Variants in IQANK1 observed in about 807,000 individuals in gnomAD.
The protein encoded by IQANK1 is IQ motif and ankyrin repeat containing 1, also known as IQ motif and ankyrin repeat domain-containing protein 1.
In IQANK1, 30 loss-of-function variants were observed where a neutral mutation model predicts 22.6. The observed-to-expected ratio is 1.33, with a 90% CI of 0.99 to 1.80. The LOEUF (loss-of-function observed/expected upper bound fraction) is 1.80. Among genes scored for constraint, IQANK1 ranks in the 40% most tolerant of loss-of-function variants. The probability of loss-of-function intolerance (pLI) is 0.00; values close to 1 mark genes in which losing one functional copy is unlikely to be tolerated. For missense variants in IQANK1, 275 were observed against 235.2 expected, an observed-to-expected ratio of 1.17 and a Z score of -1.11; for synonymous variants, 122 against 99.6, an observed-to-expected ratio of 1.23 and a Z score of -1.34.
chr8:143,751,625 AGTGTGTGTGTGTGTGTGTGT>A (rs1554628034), intron 3 of IQANK1, among the ~76,000 whole-genome samples: 1 of 95,994 alleles, frequency 1.0e-5, no homozygotes, highest in African/African-American at 3.7e-5. Context: ...AAAAAAAAAA[AGTGTGTGTGTGTGTGTGTGT>A]GTGTGTGTGT....
chr8:143,755,841 G>T (rs1460698137), intron 3 of IQANK1, among the ~76,000 whole-genome samples: 2 of 152,188 alleles, frequency 1.3e-5, no homozygotes, highest in Non-Finnish European at 2.9e-5. Context: ...GAGCCATGCT[G>T]GGGGCTCAGT....
In IQANK1 at chr8:143,788,953, G is replaced by A. The variant is rs1264140239; in HGVS notation, c.828G>A (p.Ser276=). The change falls in exon 8 of 14, where the codon TCG becomes TCA. Residue 276 remains serine (S), a synonymous_variant. Coordinates refer to ENST00000527139, the MANE Select transcript of IQANK1 (RefSeq NM_001381874.1). ...ACACAGTGGTGAGCGTGCTGCGCTC[G>A]TGGGACCTGAGCCTCACGGAGGCCA... ...SLDTVVSVLR[S]WDLSLTEAML... 6 of 399,208 alleles carry A rather than the reference G, an allele frequency of 1.5e-5. No homozygotes were observed. In the Admixed American group the frequency reaches 1.8e-4, roughly 12 times the overall value. 24.7% of individuals were successfully genotyped at this position (399,208 alleles called of 1,614,324 possible).
At chr8:143,751,655 T>TAC in intron 3 of IQANK1, among the ~76,000 whole-genome samples, 1 of 91,130 alleles carries the variant, frequency 1.1e-5, no homozygotes, top group South Asian at 4.2e-4. Context: ...TGTGTGTGTG[T>TAC]GTGTGTGTGT....
intron 3 of IQANK1, among the ~76,000 whole-genome samples, chr8:143,770,539 C>G (rs1819552570): frequency 6.6e-6 from 1 of 152,202 alleles, no homozygotes; most frequent in Admixed American, 6.5e-5. Context: ...CCAGTCTCGC[C>G]TCATCCCGCC....
chr8:143,748,700 A>AT (rs1819092644), intron 3 of IQANK1, among the ~76,000 whole-genome samples: 3 of 116,846 alleles, frequency 2.6e-5, no homozygotes, highest in African/African-American at 3.8e-5. Context: ...TATCATATAT[A>AT]AATATATAAA....
rs1277506670 is a variant in IQANK1 at position 143,789,442 on chromosome 8, C to G, written c.1000C>G (p.Gln334Glu). The change falls in exon 10 of 14, where the codon CAG becomes GAG. Residue 334 changes from glutamine (Q) to glutamate (E), a missense_variant. By Grantham distance (29) the Gln-to-Glu change is conservative. Coordinates refer to ENST00000527139, the MANE Select transcript of IQANK1 (RefSeq NM_001381874.1). ...EQQQCHKELQ[Q>E]AYCELSRRIS... The stretch of plus-strand genomic sequence containing the variant: ...TGCCCGTACGCCCACCCAGCTGCAA[C>G]AGGCCTACTGTGAGCTTAGCCGGAG... The G allele has an allele frequency of 8.1e-7, 1 of 1,229,616 alleles. No individual in the cohort carries two copies. Among genetic ancestry groups the G allele is most frequent in the Admixed American group, 4.2e-5 (1 of 23,692 alleles). 76.2% of individuals were successfully genotyped at this position (1,229,616 alleles called of 1,614,324 possible).
At chr8:143,773,995 C>T (rs1159688747) in intron 7 of IQANK1, among the ~76,000 whole-genome samples, 1 of 152,050 alleles carries the variant, frequency 6.6e-6, no homozygotes, top group Non-Finnish European at 1.5e-5. Context: ...GGAGCATTGG[C>T]CATCCACAGG....
At chr8:143,762,223 C>A (rs1163745787) in intron 3 of IQANK1, among the ~76,000 whole-genome samples, 2 of 151,794 alleles carry the variant, frequency 1.3e-5, no homozygotes, top group Non-Finnish European at 2.9e-5. Flanking sequence ...AGGTGGGAAT[C>A]GCTTGAACCC....
intron 7 of IQANK1, among the ~76,000 whole-genome samples, chr8:143,775,787 T>TACACGCACACACACACAC (rs1554630331): frequency 3.4e-4 from 44 of 129,504 alleles, no homozygotes; most frequent in African/African-American, 1.2e-3. Context: ...ATAGCTGTAT[T>TACACGCACACACACACAC]ACACACACAC....
intron 3 of IQANK1, chr8:143,742,236 G>A (rs1168085154): frequency 5.2e-6 from 2 of 384,876 alleles, no homozygotes; most frequent in Non-Finnish European, 5.3e-6. Context: ...ACTGGTGTCC[G>A]GAGTCAGTGA....
chr8:143,789,748 C>T lies in IQANK1; in HGVS notation c.1087-13C>T, dbSNP rs1819983847. The T allele has an allele frequency of 3.2e-6, 4 of 1,231,674 alleles. No homozygotes were observed. The highest frequency in any genetic ancestry group is 4.0e-6 in the Non-Finnish European group (4 of 987,712). 76.3% of individuals were successfully genotyped at this position (1,231,674 alleles called of 1,614,324 possible). On this transcript the variant is annotated splice_polypyrimidine_tract_variant and intron_variant, in intron 10 of 13. Coordinates refer to ENST00000527139, the MANE Select transcript of IQANK1 (RefSeq NM_001381874.1). The stretch of plus-strand genomic sequence containing the variant: ...GGGCAGGGCAAGCAAGTCAGTGTGG[C>T]CTCCTCCTCCAGGCCATCAAGGACA...
intron 3 of IQANK1, among the ~76,000 whole-genome samples, chr8:143,762,731 G>A (rs781831677): frequency 2.0e-5 from 3 of 152,194 alleles, no homozygotes; most frequent in Non-Finnish European, 4.4e-5. Context: ...TCATTAAGGA[G>A]AACACACTTG....
At chr8:143,784,668 C>A (rs994067579) in intron 7 of IQANK1, among the ~76,000 whole-genome samples, 23 of 152,132 alleles carry the variant, frequency 1.5e-4, no homozygotes, top group Non-Finnish European at 2.9e-4. Flanking sequence ...TGTTAGGGAC[C>A]CAGGCTGACA....
rs999763926 is a variant in IQANK1, at chr8:143,789,869, G to T, written c.1195G>T (p.Gly399Trp). ...GGAGCTTCGGGAGCAGACGCAGGAG[G>T]GTGGGCCTGGCATGGGGCGCCGGCT... is the stretch of plus-strand genomic sequence containing the variant. ...RLELREQTQEGEEEAPGLKCQ... is the reference protein window; with the variant it reads ...RLELREQTQEWEEEAPGLKCQ... The change falls in exon 11 of 14, where the codon GGG becomes TGG. Residue 399 changes from glycine to tryptophan, a missense_variant and splice_region_variant. Coordinates refer to ENST00000527139, the MANE Select transcript of IQANK1 (RefSeq NM_001381874.1). 1 of 1,231,936 alleles carries T rather than the reference G, an allele frequency of 8.1e-7. No homozygotes were observed. Among genetic ancestry groups the T allele is most frequent in the African/African-American group, 1.6e-5 (1 of 64,432 alleles). The allele number at this position is 1,231,936 out of a possible 1,614,324, so 76.3% of individuals were successfully genotyped here.
At chr8:143,762,099 G>A (rs1344378867) in intron 3 of IQANK1, among the ~76,000 whole-genome samples, 1 of 152,142 alleles carries the variant, frequency 6.6e-6, no homozygotes, top group Non-Finnish European at 1.5e-5. Flanking sequence ...CAATATACCA[G>A]AAATCTGATC....
chr8:143,765,171 C>T lies in IQANK1; in HGVS notation c.176-6317C>T, dbSNP rs1433458375. Among the ~76,000 whole-genome samples the T allele has an allele frequency of 3.9e-5, 6 of 152,108 alleles. No homozygotes were observed. In the East Asian group the frequency reaches 9.6e-4, roughly 24 times the overall value. On this transcript the variant is annotated intron_variant, in intron 3 of 13. Transcript: ENST00000527139. ...AGGAGTTCAAGACCAGCCTGGCCAA[C>T]GTGGTAAAACCCCGTCTCTACCAAA...
intron 3 of IQANK1, among the ~76,000 whole-genome samples, chr8:143,740,281 C>T (rs1163656753): frequency 2.0e-5 from 3 of 152,046 alleles, no homozygotes; most frequent in African/African-American, 7.2e-5. Context: ...CCCGGGTCCG[C>T]CGCGTCGTGC....
intron 3 of IQANK1, among the ~76,000 whole-genome samples, chr8:143,740,313 C>T (rs566306678): frequency 6.6e-4 from 100 of 152,254 alleles, no homozygotes; most frequent in African/African-American, 2.3e-3. Flanking sequence ...GCGCCGCCCT[C>T]AGGTGGCAGG....
chr8:143,763,693 C>T (rs1819435779), intron 3 of IQANK1, among the ~76,000 whole-genome samples: 1 of 152,192 alleles, frequency 6.6e-6, no homozygotes, highest in Non-Finnish European at 1.5e-5. Context: ...CTGAGGCCTC[C>T]CCAGAAGCAG....
Sources: allele counts gnomAD v4.1 joint callset (sites outside exome capture counted in the v4.1 genomes callset), GRCh38; gene constraint gnomAD v4.1.1; transcripts MANE v1.5; gene names NCBI Gene and HGNC (gene_info 2026-07-23, HGNC 2026-07-21).